The following CD163 variants were observed in gnomAD, a reference collection of about 807,000 sequenced individuals.
The protein encoded by CD163 is CD163 molecule.
CD163 carries 64 observed loss-of-function variants against 129.2 expected under a neutral mutation model. The ratio of observed to expected loss-of-function variants is 0.50; its 90% CI spans 0.41 to 0.61. CD163 has a LOEUF of 0.61. Ranked by LOEUF, CD163 falls within the 20% of genes least tolerant of loss-of-function variation. The probability of loss-of-function intolerance (pLI) is 0.00; values close to 1 mark genes in which losing one functional copy is unlikely to be tolerated. For missense variants in CD163, 1,061 were observed against 1,377.9 expected (o/e 0.77, Z 3.64); for synonymous variants, 446 against 478.5 (o/e 0.93, Z 0.89).
At chr12:7,480,018 C>T (rs1304862733) in intron 15 of CD163, 105 bp from the exon 16 acceptor site, 1 of 1,601,024 alleles carries the variant, frequency 6.2e-7, no homozygotes, top group East Asian at 2.3e-5. Flanking sequence ...AAAATAATTA[C>T]TGGGAAATAA....
Position 7,486,640 on chromosome 12 carries a change from G to C in CD163, c.2317C>G (p.His773Asp). ...GEAINATGSA[H>D]FGEGTGPIWL... The stretch of plus-strand genomic sequence containing the variant: ...ATGGGCCCTGTTCCTTCCCCAAAAT[G>C]AGCAGAACCAGTGGCATTAATGGCC... The change falls in exon 10 of 17, where the codon CAT becomes GAT. Residue 773 changes from histidine to aspartate, a missense_variant. Physicochemically the swap from His to Asp is moderately conservative, Grantham distance 81 (BLOSUM62 -1). Transcript: ENST00000432237. 6.2e-7 allele frequency: 1 copy of C among 1,614,104 alleles called. No homozygotes were observed. The highest frequency in any genetic ancestry group is 1.1e-5 in the South Asian group (1 of 91,076).
chr12:7,480,312 A>T (rs1224096614), intron 15 of CD163: 1 of 215,360 alleles, frequency 4.6e-6, no homozygotes, highest in Non-Finnish European at 9.0e-6. Flanking sequence ...CTTCCAACCC[A>T]GTAAAGTCAT....
Position 7,503,697 on chromosome 12 carries a change from G to T in CD163, c.-7C>A. Reference sequence around the variant, plus strand: ...CCATTCTGAGTTTGCTCATTCCAAAGATTTATAACTTCAATGATTCCTAAA... The same window carrying T: ...CCATTCTGAGTTTGCTCATTCCAAATATTTATAACTTCAATGATTCCTAAA... On this transcript the variant is annotated 5_prime_UTR_variant, in exon 1 of 17. Transcript: ENST00000432237. 1 of 1,568,166 alleles carries T rather than the reference G, an allele frequency of 6.4e-7. No homozygotes were observed. The highest frequency in any genetic ancestry group is 8.7e-7 in the Non-Finnish European group (1 of 1,143,008).
intron 4 of CD163, among the ~76,000 whole-genome samples, chr12:7,498,392 G>T (rs942785663): frequency 6.6e-6 from 1 of 152,044 alleles, no homozygotes; most frequent in African/African-American, 2.4e-5. Flanking sequence ...GTTTTAATGA[G>T]AAACCAATAT....
intron 16 of CD163, among the ~76,000 whole-genome samples, chr12:7,475,355 A>G (rs1168035482): frequency 1.3e-5 from 2 of 152,158 alleles, no homozygotes; most frequent in African/African-American, 4.8e-5. Context: ...ATACTGGCAA[A>G]CCAAATCCAG....
intron 6 of CD163, among the ~76,000 whole-genome samples, chr12:7,494,315 C>T (rs985357372): frequency 1.3e-5 from 2 of 151,892 alleles, no homozygotes; most frequent in African/African-American, 2.4e-5. Context: ...TTTTTTCAAT[C>T]GGAGGATAAT....
At chr12:7,486,456 T>G in intron 10 of CD163, 43 bp downstream of exon 10, 1 of 1,555,786 alleles carries the variant, frequency 6.4e-7, no homozygotes, top group South Asian at 1.2e-5. Flanking sequence ...TCCTCAGTCC[T>G]TTCTCTATGT....
At chr12:7,493,214 T>C (rs1949348745) in intron 6 of CD163, among the ~76,000 whole-genome samples, 1 of 152,188 alleles carries the variant, frequency 6.6e-6, no homozygotes, top group South Asian at 2.1e-4. Flanking sequence ...TGTCCTTAGA[T>C]AGAGATACTC....
intron 6 of CD163, 95 bp downstream of exon 6, chr12:7,494,986 T>G: frequency 3.3e-6 from 3 of 901,108 alleles, no homozygotes; most frequent in Non-Finnish European, 3.5e-6. Context: ...TTCTTGAGAG[T>G]GATCTAGTCA....
rs1234415876 is a variant in CD163, at chr12:7,503,704, A to G, written c.-14T>C. On this transcript the variant is annotated 5_prime_UTR_variant, in exon 1 of 17. Coordinates refer to ENST00000432237, the MANE Select transcript of CD163 (RefSeq NM_203416.4). Reference sequence around the variant, plus strand: ...GAGTTTGCTCATTCCAAAGATTTATAACTTCAATGATTCCTAAATCTTCTT... The same window carrying G: ...GAGTTTGCTCATTCCAAAGATTTATGACTTCAATGATTCCTAAATCTTCTT... 1 of 1,528,720 alleles carries G rather than the reference A, an allele frequency of 6.5e-7. No individual in the cohort carries two copies. Among genetic ancestry groups the G allele is most frequent in the Non-Finnish European group, 9.0e-7 (1 of 1,108,246 alleles). 94.7% of individuals were successfully genotyped at this position (1,528,720 alleles called of 1,614,324 possible).
At chr12:7,495,809 A>G (rs942205047) in intron 5 of CD163, among the ~76,000 whole-genome samples, 2 of 151,312 alleles carry the variant, frequency 1.3e-5, no homozygotes, top group Admixed American at 1.3e-4. Flanking sequence ...GGCGATCATT[A>G]AAAAGTCTGG....
intron 6 of CD163, among the ~76,000 whole-genome samples, chr12:7,491,001 A>G (rs73043502): frequency 0.053 from 7,991 of 151,890 alleles, 299 homozygotes; most frequent in Non-Finnish European, 0.08. Flanking sequence ...TATGATCCCA[A>G]CCTCTTTTGG....
At chr12:7,497,781 G>A (rs981216610) in intron 4 of CD163, among the ~76,000 whole-genome samples, 1 of 152,050 alleles carries the variant, frequency 6.6e-6, no homozygotes, top group African/African-American at 2.4e-5. Flanking sequence ...ATTGTGATTC[G>A]TCAGCATGTG....
rs761915265 is a variant in CD163 at position 7,485,082 on chromosome 12, C to T, written c.2779+14G>A. ...TGCAGAATGGAATTTTCATATAGGT[C>T]GATGGATACTCACTGTCACATGTGA... On this transcript the variant is annotated intron_variant, in intron 11 of 16. Coordinates refer to ENST00000432237, the MANE Select transcript of CD163 (RefSeq NM_203416.4). This position sits in a 1 kb window ranked among gnomAD's most constrained non-coding sequence, Gnocchi z 4.5. The T allele has an allele frequency of 1.1e-5, 18 of 1,575,158 alleles. No individual in the cohort carries two copies. Among genetic ancestry groups the T allele is most frequent in the Middle Eastern group, 1.7e-4 (1 of 5,912 alleles).
At chr12:7,479,557 T>C (rs976995885) in intron 16 of CD163, among the ~76,000 whole-genome samples, 7 of 152,192 alleles carry the variant, frequency 4.6e-5, no homozygotes, top group Non-Finnish European at 1.0e-4. Flanking sequence ...TAATATGTCT[T>C]ATCTTTTTCC....
chr12:7,488,549 C>T (rs1052058825), intron 6 of CD163, among the ~76,000 whole-genome samples: 2 of 152,100 alleles, frequency 1.3e-5, no homozygotes, highest in African/African-American at 2.4e-5. Context: ...AGACTTCTTC[C>T]TTTTGACGTC....
intron 6 of CD163, among the ~76,000 whole-genome samples, chr12:7,488,773 T>C (rs1949291020): frequency 6.6e-6 from 1 of 152,214 alleles, no homozygotes; most frequent in Non-Finnish European, 1.5e-5. Flanking sequence ...TGCTTAGACA[T>C]GTGGAGCTTA....
intron 12 of CD163, 165 bp downstream of exon 12, chr12:7,483,202 A>G (rs1949187964): frequency 2.6e-6 from 2 of 773,258 alleles, no homozygotes; most frequent in Non-Finnish European, 4.1e-6. Flanking sequence ...AGGCCGTTGT[A>G]TAACAATTGT....
chr12:7,481,561 C>T (rs1162455869), intron 14 of CD163, among the ~76,000 whole-genome samples: 1 of 152,076 alleles, frequency 6.6e-6, no homozygotes, highest in Non-Finnish European at 1.5e-5. Context: ...CTTTCCTCTC[C>T]CCTCCATTCT....
Sources: allele counts gnomAD v4.1 joint callset (sites outside exome capture counted in the v4.1 genomes callset), GRCh38; gene constraint gnomAD v4.1.1; non-coding constraint Gnocchi (gnomAD v3.1); transcripts MANE v1.5; gene names NCBI Gene and HGNC (gene_info 2026-07-23, HGNC 2026-07-21).